RIMS1: variants seen among roughly 807,000 people sequenced by gnomAD.
RIMS1 encodes the protein regulating synaptic membrane exocytosis protein 1.
Under a neutral mutation model 214.1 loss-of-function variants are expected in RIMS1, and 83 were observed. The ratio of observed to expected loss-of-function variants is 0.39; its 90% CI spans 0.32 to 0.47. The LOEUF (loss-of-function observed/expected upper bound fraction) is 0.47, where lower values mean the gene tolerates loss of function less well. Ranked by LOEUF, RIMS1 falls within the 20% of genes least tolerant of loss-of-function variation. The probability of loss-of-function intolerance (pLI) is 0.99; values close to 1 mark genes in which losing one functional copy is unlikely to be tolerated. For synonymous variants in RIMS1, 793 were observed against 786.8 expected, an observed-to-expected ratio of 1.01 and a Z score of -0.13; for missense variants, 2,050 against 2,161.8, an observed-to-expected ratio of 0.95 and a Z score of 1.03.
intron 2 of RIMS1, among the ~76,000 whole-genome samples, chr6:72,013,072 T>A (rs1811410442): frequency 6.6e-6 from 1 of 152,224 alleles, no homozygotes; most frequent in African/African-American, 2.4e-5. Context: ...ACTGCTAGGG[T>A]GGATTTTATC....
intron 26 of RIMS1, among the ~76,000 whole-genome samples, chr6:72,302,649 C>T (rs767883668): frequency 2.0e-5 from 3 of 151,512 alleles, no homozygotes; most frequent in Admixed American, 1.3e-4. Flanking sequence ...TATCATGGAG[C>T]TCTCATTGTG....
chr6:71,983,642 T>C (rs1175618840), intron 2 of RIMS1, among the ~76,000 whole-genome samples: 1 of 152,190 alleles, frequency 6.6e-6, no homozygotes, highest in Non-Finnish European at 1.5e-5. Context: ...GAGAAATGAC[T>C]ACTTGCCATC....
rs201335666 is a variant in RIMS1 at position 72,109,072 on chromosome 6, G to T, written c.471+9086G>T. Among the ~76,000 whole-genome samples the T allele has an allele frequency of 1.7e-3, 262 of 151,780 alleles. 7 individuals carry two copies. The East Asian group carries it at 0.044, about 26-fold the overall frequency. ...TGCATAGTATTCCATGATGTATATGGGCCACATTTTCTTAATCCAGTCTAT... is the reference window on the plus strand; with the variant it reads ...TGCATAGTATTCCATGATGTATATGTGCCACATTTTCTTAATCCAGTCTAT... On this transcript the variant is annotated intron_variant, in intron 4 of 33. Coordinates refer to ENST00000521978, the MANE Select transcript of RIMS1 (RefSeq NM_014989.7).
intron 1 of RIMS1, among the ~76,000 whole-genome samples, chr6:71,949,350 A>G (rs995521427): frequency 6.6e-6 from 1 of 152,008 alleles, no homozygotes; most frequent in African/African-American, 2.4e-5. Context: ...TTCTCCAACA[A>G]TGGGGAGAAA....
intron 4 of RIMS1, among the ~76,000 whole-genome samples, chr6:72,105,469 G>T (rs907397879): frequency 1.3e-5 from 2 of 151,960 alleles, no homozygotes; most frequent in Admixed American, 1.3e-4. Flanking sequence ...TAACCAAGCA[G>T]CCACTAAAAT....
rs1588634698 is a variant in RIMS1, at chr6:72,180,050, G to A, written c.812+135G>A. The stretch of plus-strand genomic sequence containing the variant: ...CAGGCCCCACATGGAAAAACAAAAG[G>A]CCTGAGGGGCGTTGTCTATCTCTAG... On this transcript the variant is annotated intron_variant, in intron 5 of 33. Transcript: ENST00000521978. The A allele has an allele frequency of 1.8e-5, 10 of 542,918 alleles. No individual in the cohort carries two copies. In the East Asian group the frequency reaches 2.6e-4, roughly 14 times the overall value. 33.6% of individuals were successfully genotyped at this position (542,918 alleles called of 1,614,324 possible). A position where few individuals can be genotyped will look rare whatever the true frequency, so the allele number is the denominator to read the frequency against.
intron 29 of RIMS1, among the ~76,000 whole-genome samples, chr6:72,342,328 G>A (rs2097121827): frequency 1.3e-5 from 2 of 151,576 alleles, no homozygotes; most frequent in Non-Finnish European, 2.9e-5. Context: ...GTCATGGGTG[G>A]GAAAGGCTAG....
At chr6:71,955,519 G>C (rs1436358065) in intron 1 of RIMS1, among the ~76,000 whole-genome samples, 1 of 151,932 alleles carries the variant, frequency 6.6e-6, no homozygotes, top group East Asian at 1.9e-4. Context: ...TATTTCTCTT[G>C]GGTAAATATT....
chr6:72,131,385 G>A (rs773646986), intron 4 of RIMS1, among the ~76,000 whole-genome samples: 15 of 152,010 alleles, frequency 9.9e-5, no homozygotes, highest in Admixed American at 4.6e-4. Flanking sequence ...CCTAAGTGTC[G>A]GCAGGTTTGA....
chr6:72,370,197 A>C (rs1241279415), intron 29 of RIMS1, among the ~76,000 whole-genome samples: 1 of 152,164 alleles, frequency 6.6e-6, no homozygotes, highest in African/African-American at 2.4e-5. Context: ...CCTTGCTACC[A>C]AAGTTTCAGA....
At chr6:72,382,629 G>A (rs577792845) in intron 29 of RIMS1, among the ~76,000 whole-genome samples, 2 of 152,184 alleles carry the variant, frequency 1.3e-5, no homozygotes, top group South Asian at 2.1e-4. Context: ...TGCACCCTGA[G>A]GGCCTTAGAT....
At chr6:71,900,452 A>G (rs963068951) in intron 1 of RIMS1, among the ~76,000 whole-genome samples, 1 of 152,146 alleles carries the variant, frequency 6.6e-6, no homozygotes, top group Non-Finnish European at 1.5e-5. Flanking sequence ...TTAAAAGATC[A>G]TTCTGGCTGA....
intron 6 of RIMS1, among the ~76,000 whole-genome samples, chr6:72,185,265 G>A (rs1562524568): frequency 6.6e-6 from 1 of 151,460 alleles, no homozygotes; most frequent in Non-Finnish European, 1.5e-5. Flanking sequence ...TGAAAATCTG[G>A]AAGGATTACA....
intron 1 of RIMS1, among the ~76,000 whole-genome samples, chr6:71,898,977 A>T: frequency 6.6e-6 from 1 of 152,150 alleles, no homozygotes; most frequent in Non-Finnish European, 1.5e-5. Context: ...TTTGTTATAG[A>T]AAACTCCATG....
At chr6:72,311,356 T>G (rs2095500922) in intron 27 of RIMS1, among the ~76,000 whole-genome samples, 1 of 152,206 alleles carries the variant, frequency 6.6e-6, no homozygotes, top group Non-Finnish European at 1.5e-5. Flanking sequence ...GCACATATAC[T>G]CTGTAAATTG....
At chr6:71,993,870 A>G (rs1802612571) in intron 2 of RIMS1, among the ~76,000 whole-genome samples, 1 of 152,198 alleles carries the variant, frequency 6.6e-6, no homozygotes, top group Non-Finnish European at 1.5e-5. Flanking sequence ...AGATATGCAC[A>G]CAATATATTT....
At chr6:72,212,729 A>T in intron 6 of RIMS1, 2 of 760,572 alleles carry the variant, frequency 2.6e-6, no homozygotes, top group Non-Finnish European at 1.6e-6. Flanking sequence ...CTAGGAGCAT[A>T]GTGTCATCTG....
chr6:71,981,478 C>A (rs530277529), intron 2 of RIMS1, among the ~76,000 whole-genome samples: 2 of 152,152 alleles, frequency 1.3e-5, no homozygotes, highest in Middle Eastern at 3.4e-3. Context: ...ATTCTTAATT[C>A]AAATAATTCA....
intron 28 of RIMS1, chr6:72,317,202 C>T: frequency 3.2e-6 from 1 of 312,170 alleles, no homozygotes; most frequent in Non-Finnish European, 6.3e-6. Flanking sequence ...TGCTGAAGCC[C>T]TCACGGGGTG....
Sources: gnomAD v4.1 joint callset for allele counts (sites outside exome capture counted in the v4.1 genomes callset) on GRCh38, gnomAD v4.1.1 for gene constraint, MANE v1.5 for transcripts, NCBI Gene and HGNC (gene_info 2026-07-23, HGNC 2026-07-21) for gene names.